OXTR: variants seen among roughly 807,000 people sequenced by gnomAD.
The protein encoded by OXTR is oxytocin receptor.
In OXTR, 19 loss-of-function variants were observed where a neutral mutation model predicts 23.9. That is an observed-to-expected ratio of 0.80 (90% CI 0.56 to 1.17). The LOEUF (loss-of-function observed/expected upper bound fraction) is 1.17, where lower values mean the gene tolerates loss of function less well. Among genes scored for constraint, OXTR ranks in the 50% most tolerant of loss-of-function variants. The probability of loss-of-function intolerance (pLI) is 0.00; values close to 1 mark genes in which losing one functional copy is unlikely to be tolerated. For synonymous variants in OXTR, 278 were observed against 250.5 expected, an observed-to-expected ratio of 1.11 and a Z score of -1.04; for missense variants, 500 against 550.7, an observed-to-expected ratio of 0.91 and a Z score of 0.92.
At chr3:8,748,821 C>G (rs557602580), downstream of OXTR, among the ~76,000 whole-genome samples, 1 of 152,150 alleles carries the variant, frequency 6.6e-6, no homozygotes, top group African/African-American at 2.4e-5. Flanking sequence ...CTGCATTGTC[C>G]CCTTACATTT....
rs115324487 is a variant in OXTR, at chr3:8,767,673, A to G, written c.515T>C (p.Val172Ala). ...LGCLVASAPQVHIFSLREVAD... is the reference protein window; with the variant it reads ...LGCLVASAPQAHIFSLREVAD... ...CACCTCGCGCAGAGAGAAGATGTGC[A>G]CCTGCGGCGCGCTGGCCACCAGGCA... Residue 172 changes from valine (V) to alanine (A), a missense_variant, in exon 3 of 4, where the codon GTG (valine) becomes GCG (alanine). By Grantham distance (64) the Val-to-Ala change is moderately conservative (BLOSUM62 0). Transcript: ENST00000316793. The G allele has an allele frequency of 3.2e-3, 5,119 of 1,611,382 alleles. 146 individuals carry two copies. In the African/African-American group the frequency reaches 0.06, roughly 19 times the overall value.
downstream of OXTR, chr3:8,746,165 A>G (rs1471394953): frequency 3.0e-6 from 1 of 332,432 alleles, no homozygotes. Flanking sequence ...CTGTAACAAC[A>G]TAAACCAGCA....
chr3:8,763,476 A>G (rs1708534608), intron 3 of OXTR, among the ~76,000 whole-genome samples: 1 of 152,180 alleles, frequency 6.6e-6, no homozygotes, highest in African/African-American at 2.4e-5. Flanking sequence ...AACCAACCCT[A>G]GAAATGCAAA....
Position 8,767,271 on chromosome 3 carries a change from T to G in OXTR, c.917A>C (p.Lys306Thr). The G allele has an allele frequency of 3.2e-6, 5 of 1,540,734 alleles. No homozygotes were observed. In the Admixed American group the frequency reaches 1.0e-4, roughly 31 times the overall value. The stretch of plus-strand genomic sequence containing the variant: ...GGTCTCCCAGCCCTGGCTACCTTCC[T>G]TGGGCGCGTTGGCATCCCAGACGCT... Reference protein sequence around the residue: ...MWSVWDANAPKEASAFIIVML... With the variant: ...MWSVWDANAPTEASAFIIVML... The change falls in exon 3 of 4, where the codon AAG becomes ACG. Residue 306 changes from lysine (K) to threonine (T), a missense_variant. Physicochemically the swap from Lys to Thr is moderately conservative, Grantham distance 78 (BLOSUM62 -1). Coordinates refer to ENST00000316793, the MANE Select transcript of OXTR (RefSeq NM_000916.4).
chr3:8,758,642 C>T (rs111853933), intron 3 of OXTR, among the ~76,000 whole-genome samples: 60 of 152,342 alleles, frequency 3.9e-4, no homozygotes, highest in Middle Eastern at 3.4e-3. Flanking sequence ...CGTTTTACAA[C>T]TGTGATTTTC....
chr3:8,758,645 T>C (rs1283784768), intron 3 of OXTR, among the ~76,000 whole-genome samples: 1 of 152,224 alleles, frequency 6.6e-6, no homozygotes, highest in Non-Finnish European at 1.5e-5. Flanking sequence ...TTTACAACTG[T>C]GATTTTCCTA....
intron 3 of OXTR, among the ~76,000 whole-genome samples, chr3:8,754,871 G>A (rs927142981): frequency 4.6e-5 from 7 of 152,088 alleles, no homozygotes; most frequent in African/African-American, 1.2e-4. Flanking sequence ...AGCAAGCTAC[G>A]ATAGACAGAA....
rs377035995 is a variant in OXTR, at chr3:8,769,407, G to C, written c.-415C>G. The C allele has an allele frequency of 3.5e-4, 54 of 152,410 alleles. No individual in the cohort carries two copies. The highest frequency in any genetic ancestry group is 1.3e-3 in the African/African-American group (54 of 41,598). 9.4% of individuals were successfully genotyped at this position (152,410 alleles called of 1,614,324 possible). A position where few individuals can be genotyped will look rare whatever the true frequency, so the allele number is the denominator to read the frequency against. Reference sequence around the variant, plus strand: ...GAGCCTCGGTTGGAATCCCCTCGCCGCAGCCTGGCTGGTCGCTGGATGGGT... The same window carrying C: ...GAGCCTCGGTTGGAATCCCCTCGCCCCAGCCTGGCTGGTCGCTGGATGGGT... On this transcript the variant is annotated 5_prime_UTR_variant, in exon 1 of 4. Transcript: ENST00000316793.
chr3:8,745,214 G>A, the OXTR span, among the ~76,000 whole-genome samples: 3 of 152,056 alleles, frequency 2.0e-5, no homozygotes, highest in East Asian at 1.9e-4. This position sits in a 1 kb window ranked among gnomAD's most constrained non-coding sequence, Gnocchi z 4.8. Flanking sequence ...CTCACCAGGG[G>A]AGACGCCTGC....
rs1269013322 is a variant in OXTR, at chr3:8,767,263, T to A, written c.922+3A>T. On this transcript the variant is annotated splice_donor_region_variant and intron_variant, in intron 3 of 3. Transcript: ENST00000316793. ...TCCTCCTGGGTCTCCCAGCCCTGGC[T>A]ACCTTCCTTGGGCGCGTTGGCATCC... The A allele has an allele frequency of 6.5e-7, 1 of 1,533,908 alleles. No individual in the cohort carries two copies. Among genetic ancestry groups the A allele is most frequent in the African/African-American group, 1.4e-5 (1 of 71,368 alleles).
chr3:8,748,567 G>T (rs1182518025), downstream of OXTR, among the ~76,000 whole-genome samples: 1 of 152,122 alleles, frequency 6.6e-6, no homozygotes, highest in African/African-American at 2.4e-5. Flanking sequence ...GAAGAACGGG[G>T]GCAAAGCAAT....
At chr3:8,748,819 T>A (rs1199443137), downstream of OXTR, among the ~76,000 whole-genome samples, 1 of 152,224 alleles carries the variant, frequency 6.6e-6, no homozygotes, top group East Asian at 1.9e-4. Context: ...GCCTGCATTG[T>A]CCCCTTACAT....
At chr3:8,766,695 G>GC (rs1332666416) in intron 3 of OXTR, among the ~76,000 whole-genome samples, 3 of 151,476 alleles carry the variant, frequency 2.0e-5, no homozygotes, top group Admixed American at 1.3e-4. Flanking sequence ...GGACTCCTCT[G>GC]CCCCCCAACA....
At chr3:8,745,955 G>C, downstream of OXTR, 1 of 1,099,376 alleles carries the variant, frequency 9.1e-7, no homozygotes, top group Non-Finnish European at 1.3e-6. This position sits in a 1 kb window ranked among gnomAD's most constrained non-coding sequence, Gnocchi z 4.8. Context: ...CTGCTGGCGA[G>C]CTCTTTCTCT....
chr3:8,746,133 C>A (rs1708154551), downstream of OXTR: 1 of 460,504 alleles, frequency 2.2e-6, no homozygotes, highest in Non-Finnish European at 3.9e-6. Flanking sequence ...GCAGCTACTG[C>A]AAGTCTTTGC....
chr3:8,767,681 C>T lies in OXTR; in HGVS notation c.507G>A (p.Ala169=), dbSNP rs1467111492. 2 of 1,610,366 alleles carry T rather than the reference C, an allele frequency of 1.2e-6. No individual in the cohort carries two copies. Among genetic ancestry groups the T allele is most frequent in the Non-Finnish European group, 1.7e-6 (2 of 1,178,516 alleles). The change falls in exon 3 of 4, where the codon GCG becomes GCA. Residue 169 remains alanine, a synonymous_variant. Coordinates refer to ENST00000316793, the MANE Select transcript of OXTR (RefSeq NM_000916.4). ...GCAGAGAGAAGATGTGCACCTGCGG[C>T]GCGCTGGCCACCAGGCAGCCGAGCC... ...ATWLGCLVAS[A]PQVHIFSLRE... is the part of the protein sequence containing the mutation.
At chr3:8,763,199 C>T (rs1172940181) in intron 3 of OXTR, among the ~76,000 whole-genome samples, 1 of 152,170 alleles carries the variant, frequency 6.6e-6, no homozygotes. Flanking sequence ...ACCTGCTGTC[C>T]ACTCCCATTC....
At chr3:8,747,210 C>A (rs1482105237), downstream of OXTR, among the ~76,000 whole-genome samples, 1 of 152,152 alleles carries the variant, frequency 6.6e-6, no homozygotes, top group Admixed American at 6.6e-5. Context: ...AGCTTGGGAA[C>A]TAGGACGCAG....
At chr3:8,757,430 GT>G (rs912394829) in intron 3 of OXTR, among the ~76,000 whole-genome samples, 2 of 148,988 alleles carry the variant, frequency 1.3e-5, no homozygotes, top group African/African-American at 2.5e-5. Flanking sequence ...CTTCTCAAAA[GT>G]TAAAAAAAAA....
Sources: allele counts gnomAD v4.1 joint callset (sites outside exome capture counted in the v4.1 genomes callset), GRCh38; gene constraint gnomAD v4.1.1; non-coding constraint Gnocchi (gnomAD v3.1); transcripts MANE v1.5; gene names NCBI Gene and HGNC (gene_info 2026-07-23, HGNC 2026-07-21).